The following NSD1 variants were observed in gnomAD, a reference collection of about 807,000 sequenced individuals.
NSD1 encodes nuclear receptor binding SET domain protein 1.
NSD1 carries 26 observed loss-of-function variants against 242.7 expected under a neutral mutation model. The ratio of observed to expected loss-of-function variants is 0.11; its 90% CI spans 0.08 to 0.15. The LOEUF (loss-of-function observed/expected upper bound fraction) is 0.15. Among genes scored for constraint, NSD1 ranks in the 10% least tolerant of loss-of-function variants. NSD1 has a pLI of 1.00. For missense variants in NSD1, 2,495 were observed against 3,272.8 expected, an observed-to-expected ratio of 0.76 and a Z score of 5.80; for synonymous variants, 1,106 against 1,178.1, an observed-to-expected ratio of 0.94 and a Z score of 1.25.
chr5:177,218,407 T>A (rs1362339387), intron 5 of NSD1, among the ~76,000 whole-genome samples: 2 of 152,160 alleles, frequency 1.3e-5, no homozygotes, highest in Admixed American at 6.5e-5. Flanking sequence ...TGAAAGGTAG[T>A]TGAATTTTGT....
rs1284627936 is a variant in NSD1, at chr5:177,245,781, G to A, written c.4379-897G>A. Among the ~76,000 whole-genome samples the A allele has an allele frequency of 4.0e-5, 6 of 149,850 alleles. No homozygotes were observed. The South Asian group carries it at 6.4e-4, about 16-fold the overall frequency. On this transcript the variant is annotated intron_variant, in intron 9 of 22. Coordinates refer to ENST00000439151, the MANE Select transcript of NSD1 (RefSeq NM_022455.5). ...CTCCTGAGTAGCTGGGACTACAGAT[G>A]TACTCCCTCACGCCTGGCTAATTTG... is the stretch of plus-strand genomic sequence containing the variant.
intron 13 of NSD1, among the ~76,000 whole-genome samples, chr5:177,257,970 G>T (rs1442615913): frequency 8.6e-6 from 1 of 116,208 alleles, no homozygotes; most frequent in Non-Finnish European, 1.9e-5. Context: ...GGCCCCCCTG[G>T]GCCTTTTTTT....
At chr5:177,291,873 G>A (rs1759861292) in intron 21 of NSD1, 81 bp from the exon 22 acceptor site, 1 of 1,266,976 alleles carries the variant, frequency 7.9e-7, no homozygotes, top group East Asian at 2.4e-5. Flanking sequence ...AGAGAATGAG[G>A]CTCAGAGAGG....
At chr5:177,241,154 G>A (rs569669216) in intron 8 of NSD1, among the ~76,000 whole-genome samples, 7,369 of 151,952 alleles carry the variant, frequency 0.048, 193 homozygotes, top group South Asian at 0.081. Flanking sequence ...ATGGAGTTTT[G>A]TTCTCCCCCA....
intron 4 of NSD1, 112 bp downstream of exon 4, chr5:177,204,404 A>ACCACT: frequency 1.0e-6 from 1 of 992,094 alleles, no homozygotes; most frequent in Non-Finnish European, 1.5e-6. Context: ...CCCAGATTGG[A>ACCACT]GTACAGTGGT....
rs560639254 is a variant in NSD1 at position 177,163,453 on chromosome 5, A to T, written c.927+27423A>T. Among the ~76,000 whole-genome samples, 82 of 152,194 alleles carry T rather than the reference A, an allele frequency of 5.4e-4. No homozygotes were observed. The Middle Eastern group carries it at 0.01, about 19-fold the overall frequency. On this transcript the variant is annotated intron_variant, in intron 2 of 22. Coordinates refer to ENST00000439151, the MANE Select transcript of NSD1 (RefSeq NM_022455.5). ...ACCGCGCCCAGCCATGAAATTTCTT[A>T]CGTAGAAAGGCAGCTTGGGATTGTA...
At chr5:177,209,121 G>A (rs1414643973) in intron 4 of NSD1, among the ~76,000 whole-genome samples, 1 of 152,108 alleles carries the variant, frequency 6.6e-6, no homozygotes, top group Non-Finnish European at 1.5e-5. Context: ...AATCTTATTA[G>A]CAGAAGTATT....
chr5:177,233,297 G>A (rs1227180926), intron 5 of NSD1, among the ~76,000 whole-genome samples: 1 of 151,934 alleles, frequency 6.6e-6, no homozygotes, highest in African/African-American at 2.4e-5. Flanking sequence ...TTGAATTCCT[G>A]GGCTCAAGTG....
rs1192171894 is a variant in NSD1 at position 177,269,908 on chromosome 5, T to G, written c.5509+101T>G. The G allele has an allele frequency of 6.8e-6, 7 of 1,025,512 alleles. No individual in the cohort carries two copies. The Admixed American group carries it at 1.7e-4, about 25-fold the overall frequency. 63.5% of individuals were successfully genotyped at this position (1,025,512 alleles called of 1,614,324 possible). A position where few individuals can be genotyped will look rare whatever the true frequency, so the allele number is the denominator to read the frequency against. ...CATATGCTCCATTTTGAAACTGCCT[T>G]TGTCCTCTCAGGGCATTATCTGGCT... On this transcript the variant is annotated intron_variant, in intron 16 of 22. Transcript: ENST00000439151. This position sits in a 1 kb window ranked among gnomAD's most constrained non-coding sequence, Gnocchi z 5.1.
rs756800176 is a variant in NSD1 at position 177,212,170 on chromosome 5, A to G, written c.3771A>G (p.Thr1257=). Residue 1257 remains threonine, a synonymous_variant, in exon 5 of 23, where the codon ACA becomes ACG. Transcript: ENST00000439151. The part of the protein sequence containing the change: ...MEKEPGIPSL[T]PQAELPEPAV... ...AGGAGCCAGGAATTCCCAGTTTGACACCACAGGCTGAGCTCCCTGAACCAG... is the reference window on the plus strand; with the variant it reads ...AGGAGCCAGGAATTCCCAGTTTGACGCCACAGGCTGAGCTCCCTGAACCAG... 35 of 1,613,858 alleles carry G rather than the reference A, an allele frequency of 2.2e-5. No homozygotes were observed. Among genetic ancestry groups the G allele is most frequent in the Admixed American group, 8.3e-5 (5 of 59,930 alleles).
intron 12 of NSD1, 98 bp from the exon 13 acceptor site, chr5:177,256,853 C>A: frequency 1.0e-6 from 1 of 952,808 alleles, no homozygotes; most frequent in Non-Finnish European, 1.7e-6. Flanking sequence ...TCAAACCGAT[C>A]AGTCCATTAT....
chr5:177,149,422 G>T (rs1027836781), intron 2 of NSD1, among the ~76,000 whole-genome samples: 2 of 151,834 alleles, frequency 1.3e-5, no homozygotes, highest in Admixed American at 6.6e-5. Flanking sequence ...GTTTCACCAC[G>T]TTGGCCAGGC....
At chr5:177,153,258 TATC>T (rs1261053234) in intron 2 of NSD1, among the ~76,000 whole-genome samples, 4 of 151,648 alleles carry the variant, frequency 2.6e-5, no homozygotes, top group Non-Finnish European at 5.9e-5. Context: ...GATAGTGGAA[TATC>T]ATATATATAG....
At chr5:177,151,369 G>A (rs1274710870) in intron 2 of NSD1, among the ~76,000 whole-genome samples, 1 of 151,978 alleles carries the variant, frequency 6.6e-6, no homozygotes, top group Non-Finnish European at 1.5e-5. Flanking sequence ...GGACAACACA[G>A]CGAGACTCAG....
chr5:177,253,960 T>G (rs989845960), intron 12 of NSD1, among the ~76,000 whole-genome samples: 14 of 152,102 alleles, frequency 9.2e-5, no homozygotes, highest in African/African-American at 3.4e-4. Context: ...TCGGTTTTTG[T>G]TTTTGTTTTT....
At position 177,136,008 on chromosome 5, in the gene NSD1, C is replaced by G. The variant is rs1159878880; in HGVS notation, c.905C>G (p.Ser302Cys). ...MLELPGTSSS[S>C]TSQELPFCQP... is the part of the protein sequence containing the mutation. ...GAATTACCTGGAACTTCATCATCAT[C>G]TACTTCACAGGAATTGCCATTTGTA... Residue 302 changes from serine (S) to cysteine (C), a missense_variant, in exon 2 of 23, where the codon TCT (serine) becomes TGT (cysteine). By Grantham distance (112) the Ser-to-Cys change is moderately radical. Transcript: ENST00000439151. 1 of 1,613,918 alleles carries G rather than the reference C, an allele frequency of 6.2e-7. No homozygotes were observed. Among genetic ancestry groups the G allele is most frequent in the Non-Finnish European group, 8.5e-7 (1 of 1,180,006 alleles).
intron 2 of NSD1, chr5:177,169,286 G>A (rs1759495353): frequency 6.5e-6 from 1 of 154,412 alleles, no homozygotes; most frequent in South Asian, 2.0e-4. Flanking sequence ...GTCCGATTGA[G>A]AAATGGTAAA....
At chr5:177,185,969 CTA>C (rs1269389813) in intron 2 of NSD1, among the ~76,000 whole-genome samples, 1 of 75,962 alleles carries the variant, frequency 1.3e-5, no homozygotes, top group Non-Finnish European at 2.3e-5. Context: ...TTATATATAA[CTA>C]TATTATATAT....
chr5:177,143,234 A>G (rs1347610232), intron 2 of NSD1, among the ~76,000 whole-genome samples: 1 of 151,964 alleles, frequency 6.6e-6, no homozygotes, highest in East Asian at 1.9e-4. Flanking sequence ...CATGTACTCA[A>G]TTTCTAAGGC....
Sources: gnomAD v4.1 joint callset for allele counts (sites outside exome capture counted in the v4.1 genomes callset) on GRCh38, gnomAD v4.1.1 for gene constraint, Gnocchi (gnomAD v3.1) non-coding constraint, MANE v1.5 for transcripts, NCBI Gene and HGNC (gene_info 2026-07-23, HGNC 2026-07-21) for gene names.